ESRRG: variants seen among roughly 807,000 people sequenced by gnomAD.
ESRRG encodes the protein estrogen-related receptor gamma.
Under a neutral mutation model 44.0 loss-of-function variants are expected in ESRRG, and 13 were observed. That is an observed-to-expected ratio of 0.30 (90% CI 0.19 to 0.47). ESRRG has a LOEUF of 0.47. Ranked by LOEUF, ESRRG falls within the 20% of genes least tolerant of loss-of-function variation. ESRRG has a pLI of 1.00. For synonymous variants in ESRRG, 215 were observed against 214.6 expected (o/e 1.00, Z -0.02); for missense variants, 395 against 580.6 (o/e 0.68, Z 3.29).
intron 1 of ESRRG, among the ~76,000 whole-genome samples, chr1:216,988,904 A>C (rs2075273068): frequency 6.6e-6 from 1 of 152,240 alleles, no homozygotes; most frequent in Admixed American, 6.5e-5. Context: ...AAAGGGCCTC[A>C]TGTTTTGAAG....
chr1:216,691,862 C>G (rs561736396), intron 1 of ESRRG, among the ~76,000 whole-genome samples: 1 of 152,222 alleles, frequency 6.6e-6, no homozygotes, highest in African/African-American at 2.4e-5. Context: ...CGACACTGGT[C>G]CTGTAAAATT....
chr1:216,675,748 C>G (rs530221629), intron 2 of ESRRG, among the ~76,000 whole-genome samples: 1 of 152,268 alleles, frequency 6.6e-6, no homozygotes, highest in Admixed American at 6.5e-5. Flanking sequence ...CTTACATTTT[C>G]CCAGATGATG....
At chr1:217,056,200 C>G (rs527822761) in intron 1 of ESRRG, among the ~76,000 whole-genome samples, 1 of 152,256 alleles carries the variant, frequency 6.6e-6, no homozygotes, top group Admixed American at 6.5e-5. Flanking sequence ...AGCCTACTCA[C>G]CAAACCCTGC....
intron 3 of ESRRG, among the ~76,000 whole-genome samples, chr1:216,576,390 G>A (rs1395150434): frequency 1.3e-5 from 2 of 149,768 alleles, no homozygotes; most frequent in South Asian, 4.2e-4. Context: ...TAAAAGCCAT[G>A]ACTCACATTA....
intron 1 of ESRRG, among the ~76,000 whole-genome samples, chr1:217,099,382 A>T (rs10863296): frequency 0.2 from 30,018 of 151,950 alleles, 3,325 homozygotes; most frequent in African/African-American, 0.29. Context: ...AGAGCAAAAA[A>T]AAAAAAAAAG....
intron 1 of ESRRG, among the ~76,000 whole-genome samples, chr1:216,977,507 A>G (rs1342675090): frequency 6.6e-6 from 1 of 152,164 alleles, no homozygotes; most frequent in African/African-American, 2.4e-5. Context: ...GAATGTGAGG[A>G]CTGGGAAGCT....
intron 2 of ESRRG, among the ~76,000 whole-genome samples, chr1:216,772,819 T>A (rs928048168): frequency 2.0e-5 from 3 of 151,954 alleles, no homozygotes; most frequent in Non-Finnish European, 4.4e-5. Context: ...AGAAATGTAC[T>A]TGGGCAGCTG....
At position 216,922,534 on chromosome 1, in the gene ESRRG, TA is replaced by T. The variant is rs2061974329; in HGVS notation, c.-14+17047del. Among the ~76,000 whole-genome samples the T allele has an allele frequency of 2.0e-5, 3 of 152,316 alleles. No homozygotes were observed. In the South Asian group the frequency reaches 6.2e-4, roughly 32 times the overall value. On this transcript the variant is annotated intron_variant, in intron 2 of 7. Transcript: ENST00000359162. ...TAGTGCTGGTTGCCTGTTCATTAAC[TA>T]GGTAGAATTACTGCAGCAAGAAGGT...
At chr1:216,519,902 A>T (rs1398675739) in intron 5 of ESRRG, among the ~76,000 whole-genome samples, 2 of 152,094 alleles carry the variant, frequency 1.3e-5, no homozygotes, top group Middle Eastern at 3.4e-3. Flanking sequence ...GCTCAGCACA[A>T]CTTGGAAACA....
chr1:216,521,497 G>A (rs1450916137), intron 5 of ESRRG, among the ~76,000 whole-genome samples: 3 of 152,002 alleles, frequency 2.0e-5, no homozygotes, highest in Non-Finnish European at 4.4e-5. Context: ...AAATGAATGG[G>A]TCTTTTCAAT....
intron 1 of ESRRG, among the ~76,000 whole-genome samples, chr1:217,024,317 C>T (rs1421838267): frequency 8.6e-5 from 13 of 151,672 alleles, no homozygotes; most frequent in Non-Finnish European, 1.5e-5. Flanking sequence ...GAGATTGCAC[C>T]ACTGCACTCC....
chr1:216,923,533 C>T (rs1050382368), intron 2 of ESRRG, among the ~76,000 whole-genome samples: 5 of 152,132 alleles, frequency 3.3e-5, no homozygotes, highest in African/African-American at 1.2e-4. Context: ...CATAGTTCTG[C>T]ATGGGCATTC....
chr1:217,071,400 G>A (rs2090543261), intron 1 of ESRRG, among the ~76,000 whole-genome samples: 1 of 152,082 alleles, frequency 6.6e-6, no homozygotes, highest in African/African-American at 2.4e-5. Flanking sequence ...GTGAACTTGG[G>A]CAAGTTTCAT....
chr1:216,695,166 C>G (rs890949200), intron 1 of ESRRG, among the ~76,000 whole-genome samples: 1 of 151,934 alleles, frequency 6.6e-6, no homozygotes, highest in Non-Finnish European at 1.5e-5. Flanking sequence ...AATAATTAGT[C>G]AAGCTACAAT....
At chr1:217,027,571 T>G (rs1326655981) in intron 1 of ESRRG, among the ~76,000 whole-genome samples, 3 of 152,112 alleles carry the variant, frequency 2.0e-5, no homozygotes, top group Non-Finnish European at 4.4e-5. Flanking sequence ...GATTTTAGTA[T>G]TTAAACAGGA....
At chr1:216,868,099 TTTTTTG>T in intron 2 of ESRRG, among the ~76,000 whole-genome samples, 1 of 146,238 alleles carries the variant, frequency 6.8e-6, no homozygotes, top group Admixed American at 6.8e-5. Flanking sequence ...TTTTTTTTTT[TTTTTTG>T]AGACAGAGTT....
At position 216,505,615 on chromosome 1, in the gene ESRRG, G is replaced by T. The variant is rs776655034; in HGVS notation, c.*1324C>A. 2 of 152,648 alleles carry T rather than the reference G, an allele frequency of 1.3e-5. No individual in the cohort carries two copies. The highest frequency in any genetic ancestry group is 2.9e-5 in the Non-Finnish European group (2 of 68,030). The allele number at this position is 152,648 out of a possible 1,614,324, so 9.5% of individuals were successfully genotyped here. Reference sequence around the variant, plus strand: ...ATGGCAATTGTACCTCCCAAGTAGAGAGGTGCACTCCTGACAATTCTACGG... The same window carrying T: ...ATGGCAATTGTACCTCCCAAGTAGATAGGTGCACTCCTGACAATTCTACGG... On this transcript the variant is annotated 3_prime_UTR_variant, in exon 7 of 7. Coordinates refer to ENST00000408911, the MANE Select transcript of ESRRG (RefSeq NM_001438.4).
intron 2 of ESRRG, among the ~76,000 whole-genome samples, chr1:216,743,310 G>T (rs946599561): frequency 1.3e-5 from 2 of 152,190 alleles, no homozygotes; most frequent in African/African-American, 4.8e-5. Context: ...CTGGGACACT[G>T]TGCCAAGGCA....
intron 2 of ESRRG, among the ~76,000 whole-genome samples, chr1:216,796,962 G>A (rs1483667322): frequency 6.6e-6 from 1 of 151,998 alleles, no homozygotes; most frequent in Non-Finnish European, 1.5e-5. Context: ...TGCGATCTCG[G>A]CTCACTACAA....
Sources: gnomAD v4.1 joint callset for allele counts (sites outside exome capture counted in the v4.1 genomes callset) on GRCh38, gnomAD v4.1.1 for gene constraint, MANE v1.5 for transcripts, NCBI Gene and HGNC (gene_info 2026-07-23, HGNC 2026-07-21) for gene names.